The following AFF4 variants were observed in gnomAD, a reference collection of about 807,000 sequenced individuals.
AFF4 encodes AF4/FMR2 family member 4.
Under a neutral mutation model 124.8 loss-of-function variants are expected in AFF4, and 13 were observed. The observed-to-expected ratio is 0.10, with a 90% CI of 0.07 to 0.17. The LOEUF is 0.17. Ranked by LOEUF, AFF4 falls within the 10% of genes least tolerant of loss-of-function variation. AFF4 has a pLI of 1.00. For synonymous variants in AFF4, 477 were observed against 496.1 expected, an observed-to-expected ratio of 0.96 and a Z score of 0.51; for missense variants, 1,092 against 1,403.8, an observed-to-expected ratio of 0.78 and a Z score of 3.55.
intron 1 of AFF4, among the ~76,000 whole-genome samples, chr5:132,961,100 C>G (rs1254642160): frequency 6.6e-6 from 1 of 152,122 alleles, no homozygotes; most frequent in Non-Finnish European, 1.5e-5. Context: ...TAGTGTGTAC[C>G]TGCAATCCCA....
Position 132,885,436 on chromosome 5 carries a change from GT to G in AFF4, c.3100-318del, listed in dbSNP as rs559640014. 1.1e-3 allele frequency among the ~76,000 whole-genome samples: 121 copies of G among 106,708 alleles called. 2 individuals are homozygous for G. Among genetic ancestry groups the G allele is most frequent in the Admixed American group, 1.2e-3 (8 of 6,642 alleles). 70.0% of individuals were successfully genotyped at this position (106,708 alleles called of 152,430 possible). ...GGAGTAGCTGCAGTGAGCCATGATC[GT>G]TTTTTTTAAAAAACTCCCTCTTAAA... On this transcript the variant is annotated intron_variant, in intron 18 of 20. Transcript: ENST00000265343.
intron 1 of AFF4, among the ~76,000 whole-genome samples, chr5:132,939,049 G>A (rs1581323358): frequency 6.8e-6 from 1 of 146,400 alleles, no homozygotes. Flanking sequence ...TGACAAAACT[G>A]CATCTCTACT....
intron 13 of AFF4, among the ~76,000 whole-genome samples, chr5:132,890,869 T>A (rs1216292509): frequency 6.6e-6 from 1 of 152,096 alleles, no homozygotes; most frequent in Admixed American, 6.5e-5. Flanking sequence ...AAATGCCTGC[T>A]TTCAAGAAGC....
intron 1 of AFF4, among the ~76,000 whole-genome samples, chr5:132,941,251 T>A (rs952465396): frequency 6.6e-6 from 1 of 152,182 alleles, no homozygotes; most frequent in Non-Finnish European, 1.5e-5. Context: ...AATGAGTCAA[T>A]CTGAAGTATA....
chr5:132,922,329 G>C (rs1364898680), intron 5 of AFF4, among the ~76,000 whole-genome samples: 1 of 152,064 alleles, frequency 6.6e-6, no homozygotes, highest in East Asian at 1.9e-4. Flanking sequence ...TGAGGTGAGA[G>C]ACTGCTTGAG....
At chr5:132,916,829 C>T (rs113352096) in intron 5 of AFF4, among the ~76,000 whole-genome samples, 57 of 152,212 alleles carry the variant, frequency 3.7e-4, no homozygotes, top group African/African-American at 1.3e-3. Flanking sequence ...AAATCAAATT[C>T]AGCACTATAA....
intron 5 of AFF4, among the ~76,000 whole-genome samples, chr5:132,915,847 G>A (rs1048544085): frequency 2.6e-5 from 4 of 151,676 alleles, no homozygotes; most frequent in Non-Finnish European, 4.4e-5. Context: ...CACTACGCCC[G>A]GCTGACTCAC....
rs1760533738 is a variant in AFF4, at chr5:132,900,868, T to C, written c.1134-1227A>G. 3.1e-6 allele frequency: 3 copies of C among 982,210 alleles called. No homozygotes were observed. The South Asian group carries it at 1.4e-4, about 46-fold the overall frequency. 60.8% of individuals were successfully genotyped at this position (982,210 alleles called of 1,614,324 possible). ...TAATTTCTCATTATCAGTAATTCCATTACCTTTCTTAAAATTTCATTACAA... is the reference window on the plus strand; with the variant it reads ...TAATTTCTCATTATCAGTAATTCCACTACCTTTCTTAAAATTTCATTACAA... On this transcript the variant is annotated intron_variant, in intron 7 of 20. Transcript: ENST00000265343.
At chr5:132,927,378 G>C in intron 4 of AFF4, 171 bp from the exon 5 acceptor site, 1 of 521,606 alleles carries the variant, frequency 1.9e-6, no homozygotes, top group Non-Finnish European at 3.3e-6. Flanking sequence ...TATGGTGTAG[G>C]TAATAAGAAG....
In AFF4 at chr5:132,896,729, C is replaced by T. The variant is rs1760411034; in HGVS notation, c.1901G>A (p.Ser634Asn). ...TTCCCTTGATTTCTGGGAAGATTTA[C>T]TTGTTGACTTATATTTCTTTTTCTC... ...TAEKKKYKST[S>N]KSSQKSREII... is the part of the protein sequence containing the mutation. The change falls in exon 11 of 21, where the codon AGT becomes AAT. Residue 634 changes from serine to asparagine, a missense_variant. This residue lies in a region of AFF4 where 174 missense variants were observed against 205.9 expected (regional missense o/e 0.84). Transcript: ENST00000265343. The T allele has an allele frequency of 6.2e-7, 1 of 1,614,128 alleles. No homozygotes were observed. The highest frequency in any genetic ancestry group is 2.2e-5 in the East Asian group (1 of 44,882).
chr5:132,942,249 G>C (rs975153214), intron 1 of AFF4, among the ~76,000 whole-genome samples: 1 of 152,114 alleles, frequency 6.6e-6, no homozygotes, highest in Non-Finnish European at 1.5e-5. Context: ...TGCTGGAGAA[G>C]CTCACAGAAT....
chr5:132,884,980 T>A lies in AFF4; in HGVS notation c.3143+96A>T, dbSNP rs1294346800. On this transcript the variant is annotated intron_variant, in intron 19 of 20. Transcript: ENST00000265343. ...TTTTATCAGAGATGGTTTTACTTAT[T>A]TAAAAAGTAGTCATCTTTCCATTTT... 90 of 758,006 alleles carry A rather than the reference T, an allele frequency of 1.2e-4. 2 individuals are homozygous for A. The South Asian group carries it at 1.5e-3, about 13-fold the overall frequency. 47.0% of individuals were successfully genotyped at this position (758,006 alleles called of 1,614,324 possible). A position where few individuals can be genotyped will look rare whatever the true frequency, so the allele number is the denominator to read the frequency against.
Position 132,896,741 on chromosome 5 carries a change from T to C in AFF4, c.1889A>G (p.Tyr630Cys), listed in dbSNP as rs147336475. The C allele has an allele frequency of 1.4e-5, 22 of 1,614,088 alleles. No homozygotes were observed. Among genetic ancestry groups the C allele is most frequent in the Middle Eastern group, 1.6e-4 (1 of 6,084 alleles). The stretch of plus-strand genomic sequence containing the variant: ...CTGGGAAGATTTACTTGTTGACTTA[T>C]ATTTCTTTTTCTCTGCTGTAGGTCG... ...SPRPTAEKKK[Y>C]KSTSKSSQKS... The change falls in exon 11 of 21, where the codon TAT (tyrosine) becomes TGT (cysteine). Residue 630 changes from tyrosine to cysteine, a missense_variant. By Grantham distance (194) the Tyr-to-Cys change is radical (BLOSUM62 -2). Coordinates refer to ENST00000265343, the MANE Select transcript of AFF4 (RefSeq NM_014423.4).
intron 13 of AFF4, among the ~76,000 whole-genome samples, chr5:132,891,587 A>C (rs1221559660): frequency 6.6e-6 from 1 of 152,220 alleles, no homozygotes; most frequent in East Asian, 1.9e-4. Flanking sequence ...TTTCAGTGCT[A>C]ACTTAGCTAA....
In AFF4 at chr5:132,934,936, G is replaced by A; in HGVS notation, c.129C>T (p.Ser43=). ...TACGACTTGATAACTTATCTTCTTT[G>A]CTAGTCTACAAAAAAATAAAATAAA... ...PLFAEPYKVT[S]KEDKLSSRIQ... is the part of the protein sequence containing the mutation. The change falls in exon 3 of 21, where the codon AGC becomes AGT. Residue 43 remains serine, a synonymous_variant. Transcript: ENST00000265343. 1 of 1,529,656 alleles carries A rather than the reference G, an allele frequency of 6.5e-7. No homozygotes were observed. Among genetic ancestry groups the A allele is most frequent in the Non-Finnish European group, 8.8e-7 (1 of 1,138,354 alleles). 94.8% of individuals were successfully genotyped at this position (1,529,656 alleles called of 1,614,324 possible).
intron 8 of AFF4, 140 bp downstream of exon 8, chr5:132,899,447 A>G: frequency 1.2e-6 from 1 of 859,804 alleles, no homozygotes; most frequent in African/African-American, 1.7e-5. Context: ...AAAACAGAGA[A>G]GAAAACTACA....
chr5:132,886,276 C>T (rs575650250), intron 18 of AFF4, 34 bp downstream of exon 18: 4 of 1,594,434 alleles, frequency 2.5e-6, no homozygotes, highest in South Asian at 2.2e-5. Context: ...ATTCTGTCTC[C>T]TAGGAAACGG....
intron 5 of AFF4, among the ~76,000 whole-genome samples, chr5:132,924,460 G>A (rs933503740): frequency 1.3e-5 from 2 of 152,264 alleles, no homozygotes; most frequent in Admixed American, 6.5e-5. Context: ...TGGTGGAGGC[G>A]AGGGAGACTA....
intron 1 of AFF4, among the ~76,000 whole-genome samples, chr5:132,952,603 T>G (rs960379758): frequency 4.6e-5 from 7 of 152,120 alleles, no homozygotes; most frequent in African/African-American, 1.7e-4. Context: ...GCTTAAAATA[T>G]CTCTATGTGG....
Sources: allele counts gnomAD v4.1 joint callset (sites outside exome capture counted in the v4.1 genomes callset), GRCh38; gene constraint gnomAD v4.1.1; regional missense constraint gnomAD v4.1.1; transcripts MANE v1.5; gene names NCBI Gene and HGNC (gene_info 2026-07-23, HGNC 2026-07-21).